Variants in TCERG1L observed in about 807,000 individuals in gnomAD.
TCERG1L encodes transcription elongation regulator 1 like.
TCERG1L carries 37 observed loss-of-function variants against 56.3 expected under a neutral mutation model. The ratio of observed to expected loss-of-function variants is 0.66; its 90% confidence interval spans 0.51 to 0.87. TCERG1L has a LOEUF of 0.87. Among genes scored for constraint, TCERG1L ranks in the 40% least tolerant of loss-of-function variants. The probability of loss-of-function intolerance (pLI) is 0.00; values close to 1 mark genes in which losing one functional copy is unlikely to be tolerated. For synonymous variants in TCERG1L, 324 were observed against 326.3 expected, an observed-to-expected ratio of 0.99 and a Z score of 0.08; for missense variants, 799 against 774.2, an observed-to-expected ratio of 1.03 and a Z score of -0.38.
chr10:131,311,222 C>T lies in TCERG1L; in HGVS notation c.342+72G>A, dbSNP rs985292084. ...GGGCGCGCGAGCCGGAGGCCAGAGC[C>T]GGGCCGGGCAGGGCGCGCCCAGGAG... On this transcript the variant is annotated intron_variant, in intron 1 of 11. Coordinates refer to ENST00000368642, the MANE Select transcript of TCERG1L (RefSeq NM_174937.4). This position sits in a 1 kb window ranked among gnomAD's most constrained non-coding sequence, Gnocchi z 4.0. 8 of 1,098,530 alleles carry T rather than the reference C, an allele frequency of 7.3e-6. No individual in the cohort carries two copies. Among genetic ancestry groups the T allele is most frequent in the African/African-American group, 1.7e-5 (1 of 59,568 alleles). 68.0% of individuals were successfully genotyped at this position (1,098,530 alleles called of 1,614,324 possible).
Position 131,260,347 on chromosome 10 carries a change from G to A in TCERG1L, c.768C>T (p.Leu256=). Residue 256 remains leucine (L), a synonymous_variant, in exon 4 of 12, where the codon CTC becomes CTT. Transcript: ENST00000368642. This position sits in a 1 kb window ranked among gnomAD's most constrained non-coding sequence, Gnocchi z 5.8. The stretch of plus-strand genomic sequence containing the variant: ...GCACGCTGGAGGGGGACGGGCCCCG[G>A]AGGTTCTCAGGGTCCACGGAGACCA... ...AAMVSVDPEN[L]RGPSPSSVQP... 1.3e-6 allele frequency: 2 copies of A among 1,484,840 alleles called. No individual in the cohort carries two copies. Among genetic ancestry groups the A allele is most frequent in the Non-Finnish European group, 1.8e-6 (2 of 1,125,930 alleles). 92.0% of individuals were successfully genotyped at this position (1,484,840 alleles called of 1,614,324 possible).
intron 9 of TCERG1L, among the ~76,000 whole-genome samples, chr10:131,105,959 C>T (rs1319317743): frequency 6.6e-6 from 1 of 152,180 alleles, no homozygotes; most frequent in Non-Finnish European, 1.5e-5. Context: ...ATTTCTGCTA[C>T]TAAAGATGCT....
intron 4 of TCERG1L, among the ~76,000 whole-genome samples, chr10:131,224,743 T>C (rs1845773854): frequency 1.4e-5 from 2 of 142,430 alleles, no homozygotes; most frequent in South Asian, 4.7e-4. Flanking sequence ...TGGCCCCTCG[T>C]CCCCCAAACC....
intron 8 of TCERG1L, among the ~76,000 whole-genome samples, chr10:131,121,016 G>A (rs1217430706): frequency 6.6e-6 from 1 of 152,240 alleles, no homozygotes; most frequent in Non-Finnish European, 1.5e-5. Context: ...TGTCAGGGCT[G>A]AAATCCACAG....
chr10:131,131,590 C>T (rs981108943), intron 8 of TCERG1L, among the ~76,000 whole-genome samples: 25 of 152,240 alleles, frequency 1.6e-4, no homozygotes, highest in Admixed American at 8.5e-4. Flanking sequence ...ATTTCTCCTC[C>T]GAGAGAATTT....
At chr10:131,176,269 G>C (rs111844407) in intron 4 of TCERG1L, among the ~76,000 whole-genome samples, 1 of 121,026 alleles carries the variant, frequency 8.3e-6, no homozygotes, top group African/African-American at 4.7e-5. Context: ...TGCACACACA[G>C]ACACGTGTAC....
chr10:131,251,886 A>T (rs1041249872), intron 4 of TCERG1L, among the ~76,000 whole-genome samples: 1 of 152,162 alleles, frequency 6.6e-6, no homozygotes, highest in African/African-American at 2.4e-5. Flanking sequence ...CCACACTCCG[A>T]ACTATTTTAC....
At position 131,233,928 on chromosome 10, in the gene TCERG1L, C is replaced by T. The variant is rs1216099429; in HGVS notation, c.856+26331G>A. ...CAGACTAGATTATTTTTGTGGGAAT[C>T]GATTAGTTCCGTAGAGAGTGGCTTG... On this transcript the variant is annotated intron_variant, in intron 4 of 11. Coordinates refer to ENST00000368642, the MANE Select transcript of TCERG1L (RefSeq NM_174937.4). 2.0e-5 allele frequency among the ~76,000 whole-genome samples: 3 copies of T among 152,206 alleles called. No homozygotes were observed. In the East Asian group the frequency reaches 5.8e-4, roughly 29 times the overall value.
chr10:131,144,539 G>C (rs1338779416), intron 7 of TCERG1L, among the ~76,000 whole-genome samples: 2 of 152,016 alleles, frequency 1.3e-5, no homozygotes, highest in African/African-American at 4.8e-5. Context: ...CTGGCAACCG[G>C]AAGTTGAGAA....
At chr10:131,171,434 T>C (rs1260365019) in intron 4 of TCERG1L, among the ~76,000 whole-genome samples, 2 of 152,122 alleles carry the variant, frequency 1.3e-5, no homozygotes, top group African/African-American at 2.4e-5. Context: ...AGGTGAAGAC[T>C]CAAAGGTATC....
chr10:131,118,686 C>A lies in TCERG1L; in HGVS notation c.1260-1752G>T, dbSNP rs969066938. Among the ~76,000 whole-genome samples the A allele has an allele frequency of 1.3e-5, 2 of 152,190 alleles. No individual in the cohort carries two copies. The highest frequency in any genetic ancestry group is 2.9e-5 in the Non-Finnish European group (2 of 68,036). The stretch of plus-strand genomic sequence containing the variant: ...TAATTTTCCATCCACTGACCCCCAA[C>A]CCTGACCGTGGCTATCAAATCCTGC... On this transcript the variant is annotated intron_variant, in intron 8 of 11. Coordinates refer to ENST00000368642, the MANE Select transcript of TCERG1L (RefSeq NM_174937.4). The surrounding 1 kb of genome is among the most constrained non-coding windows in gnomAD (Gnocchi z 4.2).
chr10:131,275,696 C>G (rs1846385488), intron 3 of TCERG1L, among the ~76,000 whole-genome samples: 1 of 152,132 alleles, frequency 6.6e-6, no homozygotes, highest in African/African-American at 2.4e-5. Context: ...AACCAACACC[C>G]ATCTATACCC....
chr10:131,285,515 AG>A (rs1554899524), intron 3 of TCERG1L, among the ~76,000 whole-genome samples: 6 of 13,698 alleles, frequency 4.4e-4, no homozygotes, highest in South Asian at 5.1e-3. Context: ...AAAGAAAGAA[AG>A]AAAGAAAGAG....
chr10:131,268,536 TCTC>T (rs1235608387), intron 3 of TCERG1L, among the ~76,000 whole-genome samples: 1 of 152,162 alleles, frequency 6.6e-6, no homozygotes, highest in African/African-American at 2.4e-5. Flanking sequence ...ATCACTGACT[TCTC>T]CTCTATAGCT....
At chr10:131,162,924 T>C in intron 6 of TCERG1L, 198 bp downstream of exon 6, 1 of 511,896 alleles carries the variant, frequency 2.0e-6, no homozygotes, top group South Asian at 3.5e-5. Context: ...GCAGGATAGC[T>C]CATCGCTTAA....
chr10:131,282,044 G>A (rs1426970557), intron 3 of TCERG1L, among the ~76,000 whole-genome samples: 1 of 150,974 alleles, frequency 6.6e-6, no homozygotes, highest in Non-Finnish European at 1.5e-5. Flanking sequence ...GCTGAGGCAG[G>A]AGAATGGCGT....
chr10:131,130,564 C>CT (rs1182586742), intron 8 of TCERG1L, among the ~76,000 whole-genome samples: 4 of 152,240 alleles, frequency 2.6e-5, no homozygotes, highest in African/African-American at 4.8e-5. Flanking sequence ...CTGACCCTCT[C>CT]TTCCTCCTCG....
intron 4 of TCERG1L, among the ~76,000 whole-genome samples, chr10:131,217,758 G>A (rs1257344556): frequency 8.8e-6 from 1 of 113,308 alleles, no homozygotes; most frequent in Non-Finnish European, 1.6e-5. Context: ...GTCTCACTCT[G>A]TCACCCAAGC....
intron 6 of TCERG1L, among the ~76,000 whole-genome samples, chr10:131,153,096 A>G (rs10829930): frequency 0.2 from 30,685 of 152,076 alleles, 3,453 homozygotes; most frequent in East Asian, 0.34. Flanking sequence ...GGTCCTGGGC[A>G]GGCATCAGTA....
Sources: allele counts gnomAD v4.1 joint callset (sites outside exome capture counted in the v4.1 genomes callset), GRCh38; gene constraint gnomAD v4.1.1; non-coding constraint Gnocchi (gnomAD v3.1); transcripts MANE v1.5; gene names NCBI Gene and HGNC (gene_info 2026-07-23, HGNC 2026-07-21).